Variants in SLC8A1 observed in about 807,000 individuals in gnomAD.
The protein encoded by SLC8A1 is solute carrier family 8 member A1.
SLC8A1 carries 18 observed loss-of-function variants against 68.3 expected under a neutral mutation model. That is an observed-to-expected ratio of 0.26 (90% confidence interval 0.18 to 0.39). The LOEUF (loss-of-function observed/expected upper bound fraction) is 0.39. Ranked by LOEUF, SLC8A1 falls within the 10% of genes least tolerant of loss-of-function variation. The probability of loss-of-function intolerance (pLI) is 1.00; values close to 1 mark genes in which losing one functional copy is unlikely to be tolerated. For missense variants in SLC8A1, 985 were observed against 1,156.7 expected (o/e 0.85, Z 2.15); for synonymous variants, 475 against 415.5 (o/e 1.14, Z -1.74).
chr2:40,491,833 T>G (rs1705336337), intron 1 of SLC8A1, among the ~76,000 whole-genome samples: 1 of 151,904 alleles, frequency 6.6e-6, no homozygotes, highest in Non-Finnish European at 1.5e-5. Context: ...CACTGCTCAG[T>G]GAAATAAAAG....
intron 2 of SLC8A1, among the ~76,000 whole-genome samples, chr2:40,338,176 T>G (rs1182073197): frequency 1.3e-5 from 2 of 152,116 alleles, no homozygotes; most frequent in Non-Finnish European, 2.9e-5. Flanking sequence ...ATAATCGTAG[T>G]GGGGTAGCAT....
At chr2:40,294,970 C>A (rs1268205401) in intron 2 of SLC8A1, among the ~76,000 whole-genome samples, 1 of 152,036 alleles carries the variant, frequency 6.6e-6, no homozygotes, top group Non-Finnish European at 1.5e-5. Flanking sequence ...AAAAGTTATA[C>A]TATGTTAAGT....
intron 2 of SLC8A1, among the ~76,000 whole-genome samples, chr2:40,344,355 G>A (rs1304721846): frequency 1.3e-5 from 2 of 152,114 alleles, no homozygotes; most frequent in African/African-American, 2.4e-5. Context: ...TGTAGATGAA[G>A]GAACATGCTT....
chr2:40,296,927 C>T (rs1377982979), intron 2 of SLC8A1, among the ~76,000 whole-genome samples: 3 of 152,174 alleles, frequency 2.0e-5, no homozygotes, highest in Non-Finnish European at 4.4e-5. Flanking sequence ...TCCCTCTAGA[C>T]CAGGCTGATG....
At chr2:40,278,668 C>CT (rs1192940462) in intron 2 of SLC8A1, among the ~76,000 whole-genome samples, 1 of 151,986 alleles carries the variant, frequency 6.6e-6, no homozygotes, top group Non-Finnish European at 1.5e-5. Flanking sequence ...GTGGTCTCTC[C>CT]TTCATTTTCT....
chr2:40,489,401 T>G (rs77660755), intron 1 of SLC8A1, among the ~76,000 whole-genome samples: 1 of 151,928 alleles, frequency 6.6e-6, no homozygotes. Flanking sequence ...AAAAATAGAC[T>G]CCACACAAAG....
intron 2 of SLC8A1, among the ~76,000 whole-genome samples, chr2:40,237,685 T>A (rs932152110): frequency 7.2e-5 from 11 of 152,156 alleles, no homozygotes; most frequent in African/African-American, 2.2e-4. Flanking sequence ...GGCGCTCTGC[T>A]TTTTAGAGTT....
At chr2:40,345,651 C>T (rs1669019821) in intron 2 of SLC8A1, among the ~76,000 whole-genome samples, 1 of 152,054 alleles carries the variant, frequency 6.6e-6, no homozygotes, top group South Asian at 2.1e-4. Flanking sequence ...TTTTGAAAAC[C>T]CTCTATGCAG....
At chr2:40,409,325 T>C (rs1026196584) in intron 2 of SLC8A1, among the ~76,000 whole-genome samples, 15 of 152,122 alleles carry the variant, frequency 9.9e-5, no homozygotes, top group Non-Finnish European at 1.8e-4. Context: ...TTCAGGAATA[T>C]AGTTGGAGTA....
intron 2 of SLC8A1, among the ~76,000 whole-genome samples, chr2:40,349,949 G>A (rs1670538932): frequency 6.6e-6 from 1 of 152,032 alleles, no homozygotes; most frequent in Non-Finnish European, 1.5e-5. Flanking sequence ...TTAAAATGGA[G>A]CTCCAAATTA....
chr2:40,100,188 G>A (rs2033813070), exon 8 of SLC8A1: 1 of 152,064 alleles, frequency 6.6e-6, no homozygotes, highest in South Asian at 2.1e-4. Context: ...CTAATATCAA[G>A]ACCTTTTTAA....
intron 4 of SLC8A1, among the ~76,000 whole-genome samples, chr2:40,167,336 T>A (rs1281032698): frequency 6.6e-6 from 1 of 152,178 alleles, no homozygotes; most frequent in Non-Finnish European, 1.5e-5. Context: ...TTTAATAACT[T>A]TTTTCCATTG....
chr2:40,474,365 A>G (rs6544342), intron 1 of SLC8A1, among the ~76,000 whole-genome samples: 149,269 of 152,300 alleles, frequency 0.98, 73,222 homozygotes, highest in East Asian at 1. Flanking sequence ...TACCAGAAAA[A>G]GAAGTTTACT....
intron 2 of SLC8A1, among the ~76,000 whole-genome samples, chr2:40,362,432 T>G (rs1369734741): frequency 6.6e-6 from 1 of 152,092 alleles, no homozygotes; most frequent in East Asian, 1.9e-4. Context: ...CAAGACAAAT[T>G]ACCAACTACC....
At chr2:40,416,621 G>C (rs1468906983) in intron 2 of SLC8A1, among the ~76,000 whole-genome samples, 1 of 151,992 alleles carries the variant, frequency 6.6e-6, no homozygotes. Context: ...TTACTATCAA[G>C]AACACTGAAG....
intron 2 of SLC8A1, among the ~76,000 whole-genome samples, chr2:40,321,037 G>C (rs559400461): frequency 6.6e-6 from 1 of 152,074 alleles, no homozygotes; most frequent in Non-Finnish European, 1.5e-5. Flanking sequence ...TAAACTCCCT[G>C]AATTGGGAGC....
At chr2:40,425,271 TTATG>T (rs1317866159) in intron 2 of SLC8A1, among the ~76,000 whole-genome samples, 1 of 151,880 alleles carries the variant, frequency 6.6e-6, no homozygotes, top group Non-Finnish European at 1.5e-5. Flanking sequence ...ATCAACTCAT[TTATG>T]TGAGAATATG....
intron 1 of SLC8A1, among the ~76,000 whole-genome samples, chr2:40,507,590 C>G (rs13029763): frequency 2.0e-5 from 3 of 151,880 alleles, no homozygotes; most frequent in Non-Finnish European, 2.9e-5. Context: ...TTAAAAGGCA[C>G]GGAAATGACT....
intron 2 of SLC8A1, among the ~76,000 whole-genome samples, chr2:40,328,291 G>A (rs917011871): frequency 2.0e-5 from 3 of 152,116 alleles, no homozygotes; most frequent in African/African-American, 7.2e-5. Flanking sequence ...TCCATTATTA[G>A]TAATAGTTAT....
Sources: gnomAD v4.1 joint callset for allele counts (sites outside exome capture counted in the v4.1 genomes callset) on GRCh38, gnomAD v4.1.1 for gene constraint, MANE v1.5 for transcripts, NCBI Gene and HGNC (gene_info 2026-07-23, HGNC 2026-07-21) for gene names.